ULK1: variants seen among roughly 807,000 people sequenced by gnomAD.
The protein encoded by ULK1 is serine/threonine-protein kinase ULK1.
A neutral mutation model predicts 117.5 loss-of-function variants in ULK1; 48 were observed. That is an observed-to-expected ratio of 0.41 (90% confidence interval 0.32 to 0.52). ULK1 has a LOEUF of 0.52. Ranked by LOEUF, ULK1 falls within the 20% of genes least tolerant of loss-of-function variation. ULK1 has a pLI of 0.29. For missense variants in ULK1, 1,387 were observed against 1,473.4 expected (o/e 0.94, Z 0.96); for synonymous variants, 790 against 637.8 (o/e 1.24, Z -3.60).
chr12:131,913,949 C>A, intron 15 of ULK1, 113 bp downstream of exon 15: 1 of 969,104 alleles, frequency 1.0e-6, no homozygotes, highest in South Asian at 2.3e-5. Flanking sequence ...AGGCCCCTGC[C>A]TTCTTCTCCC....
rs529515215 is a variant in ULK1, at chr12:131,900,846, C to A, written c.246+5022C>A. 3.3e-4 allele frequency among the ~76,000 whole-genome samples: 51 copies of A among 152,254 alleles called. 2 individuals are homozygous for A. The South Asian group carries it at 0.01, about 30-fold the overall frequency. On this transcript the variant is annotated intron_variant, in intron 3 of 27. Transcript: ENST00000321867. ...TCCAGCCCAGCATGAGACTGTAACT[C>A]CCCATCCCAGAGTGAGGAGGGGGCT...
At chr12:131,913,123 A>C in intron 13 of ULK1, 75 bp from the exon 14 acceptor site, 8 of 1,416,138 alleles carry the variant, frequency 5.6e-6, no homozygotes, top group Non-Finnish European at 7.5e-6. Flanking sequence ...GGGATCCAGC[A>C]GAGAGCCTCG....
At chr12:131,906,622 G>T (rs1181858907) in intron 3 of ULK1, 11 of 539,346 alleles carry the variant, frequency 2.0e-5, no homozygotes, top group Non-Finnish European at 3.3e-5. Context: ...CTTCCTGCTA[G>T]GGGGTATGTC....
chr12:131,911,167 A>G (rs1889518237), intron 12 of ULK1, among the ~76,000 whole-genome samples: 2 of 152,168 alleles, frequency 1.3e-5, no homozygotes, highest in African/African-American at 4.8e-5. Flanking sequence ...ATGGCCCCAC[A>G]TGATGATGGC....
Position 131,922,805 on chromosome 12 carries a change from TAGAAGA to T in ULK1, c.*1449_*1454del, listed in dbSNP as rs993158749. The stretch of plus-strand genomic sequence containing the variant: ...GAAATATTGCCACTGTGCTTGGACT[TAGAAGA>T]AGAAAATCCCCGTGACTTCTTCCTC... On this transcript the variant is annotated 3_prime_UTR_variant, in exon 28 of 28. Transcript: ENST00000321867. 6.6e-6 allele frequency: 1 copy of T among 152,654 alleles called. No individual in the cohort carries two copies. The highest frequency in any genetic ancestry group is 2.4e-5 in the African/African-American group (1 of 41,592). 9.5% of individuals were successfully genotyped at this position (152,654 alleles called of 1,614,324 possible).
chr12:131,913,982 C>A, intron 15 of ULK1, 146 bp downstream of exon 15: 1 of 740,960 alleles, frequency 1.3e-6, no homozygotes, highest in Non-Finnish European at 2.0e-6. Flanking sequence ...ATGGGGTCTG[C>A]TGGGTCGTCC....
At chr12:131,910,353 C>T (rs771039446) in intron 11 of ULK1, 49 bp downstream of exon 11, 2 of 1,610,684 alleles carry the variant, frequency 1.2e-6, no homozygotes, top group South Asian at 1.1e-5. Context: ...GCATGCACCC[C>T]TTCCTCCCCG....
chr12:131,909,494 C>T (rs1472349438), intron 8 of ULK1, among the ~76,000 whole-genome samples: 2 of 152,138 alleles, frequency 1.3e-5, no homozygotes, highest in Non-Finnish European at 2.9e-5. Context: ...AGTCGCCTGT[C>T]TGGTCGCCTG....
chr12:131,922,436 T>TACGGCGA lies in ULK1; in HGVS notation c.*1075_*1076insACGGCGA. ...AGAAAAAAGTAACATGTGCAAAAGC[T>TACGGCGA]CCCCGTCCAGCTTTGACAGTCAGTT... On this transcript the variant is annotated 3_prime_UTR_variant, in exon 28 of 28. Transcript: ENST00000321867. 2.7e-5 allele frequency: 5 copies of TACGGCGA among 184,490 alleles called. No individual in the cohort carries two copies. Among genetic ancestry groups the TACGGCGA allele is most frequent in the Admixed American group, 1.2e-4 (2 of 17,320 alleles). The allele number at this position is 184,490 out of a possible 1,614,324, so 11.4% of individuals were successfully genotyped here.
chr12:131,917,502 T>TC lies in ULK1; in HGVS notation c.2279dup (p.Ser761GlufsTer41). 6.8e-7 allele frequency: 1 copy of TC among 1,476,708 alleles called. No individual in the cohort carries two copies. Among genetic ancestry groups the TC allele is most frequent in the Non-Finnish European group, 9.0e-7 (1 of 1,111,732 alleles). The allele number at this position is 1,476,708 out of a possible 1,614,324, so 91.5% of individuals were successfully genotyped here. On this transcript the variant is annotated frameshift_variant, in exon 22 of 28. Coordinates refer to ENST00000321867, the MANE Select transcript of ULK1 (RefSeq NM_003565.4). LOFTEE classifies it high-confidence loss of function. ...CCCCGGTGGTCTTCACCGTGGGCTC[T>TC]CCCCCGAGCGGGAGCACGCCCCCCC... is the stretch of plus-strand genomic sequence containing the variant.
intron 10 of ULK1, 88 bp from the exon 11 acceptor site, chr12:131,910,166 C>T (rs1359098391): frequency 9.4e-6 from 15 of 1,588,246 alleles, no homozygotes; most frequent in Admixed American, 1.7e-5. Flanking sequence ...AGGTGCCCAA[C>T]GCGGCTGGAG....
At chr12:131,907,570 C>A in intron 5 of ULK1, 39 bp downstream of exon 5, 1 of 1,596,184 alleles carries the variant, frequency 6.3e-7, no homozygotes, top group East Asian at 2.3e-5. Context: ...GCCAGCCGGT[C>A]CCACAGGGCC....
chr12:131,895,968 C>A, intron 3 of ULK1, 144 bp downstream of exon 3: 1 of 1,056,816 alleles, frequency 9.5e-7, no homozygotes, highest in Non-Finnish European at 1.4e-6. Context: ...GGGTCCAGGC[C>A]TGGGCTGGTG....
chr12:131,919,816 G>T, intron 25 of ULK1, 163 bp from the exon 26 acceptor site: 2 of 1,161,110 alleles, frequency 1.7e-6, no homozygotes, highest in South Asian at 1.6e-5. Flanking sequence ...GATGGCACCC[G>T]GGACAAGGTG....
chr12:131,921,049 G>A (rs964771496), intron 26 of ULK1, 51 bp from the exon 27 acceptor site: 2 of 1,531,740 alleles, frequency 1.3e-6, no homozygotes, highest in Admixed American at 1.9e-5. Flanking sequence ...AGCCCTTGCT[G>A]GGAGGGAGTG....
intron 8 of ULK1, among the ~76,000 whole-genome samples, chr12:131,909,567 G>A (rs575150041): frequency 2.0e-5 from 3 of 152,156 alleles, no homozygotes; most frequent in Non-Finnish European, 2.9e-5. Flanking sequence ...CCGCGTTCTG[G>A]GGGGTGGACA....
At position 131,907,530 on chromosome 12, in the gene ULK1, C is replaced by A. The variant is rs776690237; in HGVS notation, c.315C>A (p.His105Gln). The A allele has an allele frequency of 1.9e-6, 3 of 1,611,750 alleles. No individual in the cohort carries two copies. The highest frequency in any genetic ancestry group is 1.1e-5 in the South Asian group (1 of 90,896). ...GTGGGGACCTGGCCGACTACCTGCA[C>A]GGTGAGTGCACAGCTGCGCCACCTG... ...CNGGDLADYLHAMRTLSEDTI... is the reference protein window; with the variant it reads ...CNGGDLADYLQAMRTLSEDTI... Residue 105 changes from histidine (H) to glutamine (Q), a missense_variant and splice_region_variant, in exon 5 of 28, where the codon CAC (histidine) becomes CAA (glutamine). Physicochemically the swap from His to Gln is conservative, Grantham distance 24. Transcript: ENST00000321867.
intron 15 of ULK1, 35 bp from the exon 16 acceptor site, chr12:131,914,317 G>C (rs1191707788): frequency 2.5e-6 from 4 of 1,601,398 alleles, no homozygotes; most frequent in East Asian, 2.2e-5. Context: ...TGTGACCCCA[G>C]TGTCTGTCAT....
chr12:131,910,237 C>T lies in ULK1; in HGVS notation c.809-17C>T, dbSNP rs755969050. On this transcript the variant is annotated splice_polypyrimidine_tract_variant and intron_variant, in intron 10 of 27. Transcript: ENST00000321867. ...GCTGGGGTCCTCCTGAGGCCTCACT[C>T]CTCCTTCCTCCTGCAGATGAGTTTT... 4.3e-6 allele frequency: 7 copies of T among 1,613,568 alleles called. No individual in the cohort carries two copies. The highest frequency in any genetic ancestry group is 1.7e-5 in the Admixed American group (1 of 60,034).
Sources: gnomAD v4.1 joint callset for allele counts (sites outside exome capture counted in the v4.1 genomes callset) on GRCh38, gnomAD v4.1.1 for gene constraint, MANE v1.5 for transcripts, NCBI Gene and HGNC (gene_info 2026-07-23, HGNC 2026-07-21) for gene names.